The following CATSPERE variants were observed in gnomAD, a reference collection of about 807,000 sequenced individuals.
CATSPERE encodes catsper channel auxiliary subunit epsilon, also known as cation channel sperm-associated auxiliary subunit epsilon.
Under a neutral mutation model 114.1 loss-of-function variants are expected in CATSPERE, and 93 were observed. That is an observed-to-expected ratio of 0.81 (90% CI 0.69 to 0.97). CATSPERE has a LOEUF of 0.97. Among genes scored for constraint, CATSPERE ranks in the 50% least tolerant of loss-of-function variants. CATSPERE has a pLI of 0.00. For synonymous variants in CATSPERE, 341 were observed against 384.1 expected (o/e 0.89, Z 1.31); for missense variants, 1,058 against 1,131.6 (o/e 0.93, Z 0.93).
rs915920454 is a variant in CATSPERE, at chr1:244,617,466, T to G, written c.2491-63T>G. The G allele has an allele frequency of 4.7e-6, 6 of 1,265,968 alleles. No individual in the cohort carries two copies. In the African/African-American group the frequency reaches 9.3e-5, roughly 20 times the overall value. The allele number at this position is 1,265,968 out of a possible 1,614,324, so 78.4% of individuals were successfully genotyped here. A position where few individuals can be genotyped will look rare whatever the true frequency, so the allele number is the denominator to read the frequency against. On this transcript the variant is annotated intron_variant, in intron 19 of 21. Coordinates refer to ENST00000366534, the MANE Select transcript of CATSPERE (RefSeq NM_001130957.2). ...AATAATTTTCCAAGATAAATGAGACTATAATTTTGCGTATCAAAGTCATAA... is the reference window on the plus strand; with the variant it reads ...AATAATTTTCCAAGATAAATGAGACGATAATTTTGCGTATCAAAGTCATAA...
chr1:244,555,838 C>CA (rs566589534), intron 9 of CATSPERE, among the ~76,000 whole-genome samples: 3 of 151,864 alleles, frequency 2.0e-5, no homozygotes, highest in Non-Finnish European at 4.4e-5. Context: ...CAATACCTAC[C>CA]AAAAAAACTG....
chr1:244,469,248 A>T (rs564392373), intron 2 of CATSPERE, among the ~76,000 whole-genome samples: 34 of 152,256 alleles, frequency 2.2e-4, no homozygotes, highest in African/African-American at 7.5e-4. Context: ...AAAATATATA[A>T]ATTAGTATAA....
chr1:244,518,553 TGA>T, intron 7 of CATSPERE, 37 bp from the exon 8 acceptor site: 1 of 1,236,952 alleles, frequency 8.1e-7, no homozygotes, highest in South Asian at 1.2e-5. Context: ...ACTTTAGCTA[TGA>T]AAATAATAAA....
At chr1:244,578,717 G>A (rs1047564160) in intron 11 of CATSPERE, among the ~76,000 whole-genome samples, 2 of 141,580 alleles carry the variant, frequency 1.4e-5, no homozygotes, top group African/African-American at 2.6e-5. Flanking sequence ...ATATATACAG[G>A]TATATATATA....
intron 19 of CATSPERE, among the ~76,000 whole-genome samples, chr1:244,610,918 G>A (rs183905776): frequency 2.0e-5 from 3 of 151,990 alleles, no homozygotes; most frequent in East Asian, 1.9e-4. Context: ...GTGCCACCAC[G>A]CCTGGCTAAT....
chr1:244,627,438 C>T (rs889978097), intron 20 of CATSPERE, among the ~76,000 whole-genome samples: 7 of 151,980 alleles, frequency 4.6e-5, no homozygotes, highest in Non-Finnish European at 8.8e-5. Context: ...TATCCAGGCA[C>T]GGTGGCATGT....
intron 10 of CATSPERE, among the ~76,000 whole-genome samples, chr1:244,571,831 A>G (rs2148574533): frequency 6.6e-6 from 1 of 152,162 alleles, no homozygotes. Context: ...GTGTGTCCGG[A>G]GAGATCCCTG....
intron 17 of CATSPERE, among the ~76,000 whole-genome samples, chr1:244,596,730 C>A (rs1572931727): frequency 2.0e-5 from 3 of 146,678 alleles, no homozygotes; most frequent in South Asian, 4.3e-4. Flanking sequence ...ACCTATGTAA[C>A]AAACCTGCAC....
intron 8 of CATSPERE, among the ~76,000 whole-genome samples, chr1:244,529,878 G>A (rs902839074): frequency 2.0e-5 from 3 of 151,994 alleles, no homozygotes; most frequent in East Asian, 1.9e-4. Context: ...TAATTCACTT[G>A]TTTTTTGTAT....
intron 6 of CATSPERE, among the ~76,000 whole-genome samples, chr1:244,496,193 A>G (rs1673056789): frequency 6.6e-6 from 1 of 152,258 alleles, no homozygotes; most frequent in African/African-American, 2.4e-5. Context: ...GCAGATAGTA[A>G]AGGACACAAA....
At chr1:244,628,217 A>G (rs1322460550) in intron 20 of CATSPERE, among the ~76,000 whole-genome samples, 1 of 152,170 alleles carries the variant, frequency 6.6e-6, no homozygotes, top group African/African-American at 2.4e-5. Context: ...AAACATAGCT[A>G]TATGTAGGGT....
At chr1:244,465,946 C>T (rs1158459277) in intron 2 of CATSPERE, among the ~76,000 whole-genome samples, 3 of 152,096 alleles carry the variant, frequency 2.0e-5, no homozygotes, top group African/African-American at 7.2e-5. Flanking sequence ...ACAGATGCTC[C>T]CTTTTGGGCA....
intron 7 of CATSPERE, among the ~76,000 whole-genome samples, chr1:244,508,757 G>C (rs1316239847): frequency 6.7e-6 from 1 of 148,274 alleles, no homozygotes; most frequent in African/African-American, 2.6e-5. Context: ...CCAGCACTTT[G>C]GGAGGTCAAG....
chr1:244,639,566 T>C (rs1293546407), intron 21 of CATSPERE, among the ~76,000 whole-genome samples: 3 of 151,772 alleles, frequency 2.0e-5, no homozygotes, highest in African/African-American at 7.3e-5. Flanking sequence ...GGTGCCCTCC[T>C]GTAATCCCAG....
intron 14 of CATSPERE, 21 bp from the exon 15 acceptor site, chr1:244,591,660 A>T: frequency 7.2e-7 from 1 of 1,397,828 alleles, no homozygotes; most frequent in Non-Finnish European, 1.0e-6. Context: ...TTTCAACTTC[A>T]TTATGTTTTG....
At chr1:244,591,602 C>G (rs1206605486) in intron 14 of CATSPERE, 79 bp from the exon 15 acceptor site, 14 of 792,792 alleles carry the variant, frequency 1.8e-5, no homozygotes, top group Non-Finnish European at 2.9e-5. Flanking sequence ...GTTTGAGAAT[C>G]ACTGAGTTAA....
intron 2 of CATSPERE, among the ~76,000 whole-genome samples, chr1:244,472,398 A>G (rs1668633205): frequency 6.6e-6 from 1 of 152,104 alleles, no homozygotes; most frequent in African/African-American, 2.4e-5. Flanking sequence ...TCCTGCTTTT[A>G]TATTGATTTT....
At chr1:244,486,470 G>A (rs988446013) in intron 5 of CATSPERE, among the ~76,000 whole-genome samples, 1 of 149,182 alleles carries the variant, frequency 6.7e-6, no homozygotes, top group African/African-American at 2.5e-5. Flanking sequence ...TAGTCACCTG[G>A]TGGGTGGTCC....
intron 8 of CATSPERE, among the ~76,000 whole-genome samples, chr1:244,542,159 A>AC (rs1375648357): frequency 1.3e-5 from 2 of 151,182 alleles, no homozygotes; most frequent in Non-Finnish European, 3.0e-5. Context: ...AAGTATAAAA[A>AC]AAAAAAAAAA....
Sources: allele counts gnomAD v4.1 joint callset (sites outside exome capture counted in the v4.1 genomes callset), GRCh38; gene constraint gnomAD v4.1.1; transcripts MANE v1.5; gene names NCBI Gene and HGNC (gene_info 2026-07-23, HGNC 2026-07-21).